Variants in XYLT1 observed in about 807,000 individuals in gnomAD.
The protein encoded by XYLT1 is xylosyltransferase 1, also known as beta-D-xylosyltransferase 1.
XYLT1 carries 36 observed loss-of-function variants against 91.3 expected under a neutral mutation model. The ratio of observed to expected loss-of-function variants is 0.39; its 90% CI spans 0.30 to 0.52. XYLT1 has a LOEUF of 0.52. XYLT1 is among the 20% of genes least tolerant of loss of function. The pLI, the probability that XYLT1 is intolerant of heterozygous loss-of-function variation, is 0.68. For missense variants in XYLT1, 1,242 were observed against 1,284.5 expected (o/e 0.97, Z 0.51); for synonymous variants, 588 against 532.0 (o/e 1.11, Z -1.45).
intron 2 of XYLT1, among the ~76,000 whole-genome samples, chr16:17,339,915 CCATT>C (rs532611653): frequency 1.5e-3 from 224 of 152,088 alleles, no homozygotes; most frequent in South Asian, 2.1e-3. Flanking sequence ...ATCCATCCAT[CCATT>C]CATCCATCCT....
At chr16:17,361,502 A>G (rs1014427502) in intron 1 of XYLT1, among the ~76,000 whole-genome samples, 3 of 152,202 alleles carry the variant, frequency 2.0e-5, no homozygotes, top group Non-Finnish European at 4.4e-5. Context: ...CCTAAATAAT[A>G]CATGCTCTTT....
At chr16:17,425,776 AGTCCT>A (rs1435732146) in intron 1 of XYLT1, among the ~76,000 whole-genome samples, 1 of 152,082 alleles carries the variant, frequency 6.6e-6, no homozygotes, top group Non-Finnish European at 1.5e-5. Flanking sequence ...CTGTTCCCTG[AGTCCT>A]GAATGCCCTT....
intron 2 of XYLT1, among the ~76,000 whole-genome samples, chr16:17,298,325 C>T (rs2034345424): frequency 6.6e-6 from 1 of 152,188 alleles, no homozygotes; most frequent in African/African-American, 2.4e-5. Flanking sequence ...ACGTTCCCTG[C>T]ACAGCCACCC....
rs2032160832 is a variant in XYLT1, at chr16:17,185,338, A to ACAGTC, written c.1289+12869_1289+12873dup. On this transcript the variant is annotated intron_variant, in intron 5 of 11. Transcript: ENST00000261381. The stretch of plus-strand genomic sequence containing the variant: ...TGTTTTTCCAGTCTCCTTGTGAACA[A>ACAGTC]CAGTCCGAGCAGATACACCCTTTCA... 2.0e-5 allele frequency among the ~76,000 whole-genome samples: 3 copies of ACAGTC among 152,366 alleles called. No individual in the cohort carries two copies. In the South Asian group the frequency reaches 6.2e-4, roughly 32 times the overall value.
chr16:17,242,268 A>G (rs1050080839), intron 3 of XYLT1, among the ~76,000 whole-genome samples: 3 of 151,938 alleles, frequency 2.0e-5, no homozygotes, highest in African/African-American at 7.3e-5. Flanking sequence ...ATCAGAGCAC[A>G]GACATGCCTA....
At chr16:17,328,548 C>CAAAAA (rs71373105) in intron 2 of XYLT1, among the ~76,000 whole-genome samples, 2,177 of 50,596 alleles carry the variant, frequency 0.043, 392 homozygotes, top group Non-Finnish European at 0.078. Context: ...GACTCCTTCT[C>CAAAAA]AAAAAAAAAA....
rs1195577105 is a variant in XYLT1, at chr16:17,450,362, C to CA, written c.363+20071dup. 1.7e-3 allele frequency among the ~76,000 whole-genome samples: 249 copies of CA among 145,478 alleles called. 1 individual carries two copies. The highest frequency in any genetic ancestry group is 4.3e-3 in the African/African-American group (175 of 40,708). On this transcript the variant is annotated intron_variant, in intron 1 of 11. Transcript: ENST00000261381. ...CAAAACAAACAAACAAACAAACAAACAAAAAAAAAAAGGTGAGAAGGATTC... is the reference window on the plus strand; with the variant it reads ...CAAAACAAACAAACAAACAAACAAACAAAAAAAAAAAAGGTGAGAAGGATTC...
chr16:17,219,287 AAAAAAAAAAAAAAAG>A (rs1235384744), intron 3 of XYLT1, among the ~76,000 whole-genome samples: 6,549 of 150,088 alleles, frequency 0.044, 510 homozygotes, highest in African/African-American at 0.15. Context: ...TCTCAAAAAA[AAAAAAAAAAAAAAAG>A]AAAAAGAAAA....
intron 3 of XYLT1, among the ~76,000 whole-genome samples, chr16:17,241,035 C>T (rs1050131686): frequency 6.6e-6 from 1 of 152,182 alleles, no homozygotes; most frequent in Non-Finnish European, 1.5e-5. Context: ...AGAACTCCGG[C>T]GTAGACACCC....
At chr16:17,130,878 TCTAGCCCCCTTTTGTTTCCTGCTACC>T (rs774507213) in intron 9 of XYLT1, among the ~76,000 whole-genome samples, 1 of 15,382 alleles carries the variant, frequency 6.5e-5, no homozygotes, top group Non-Finnish European at 1.8e-4. Flanking sequence ...TACCGCTTTC[TCTAGCCCCCTTTTGTTTCCTGCTACC>T]CTAATCCACC....
intron 5 of XYLT1, among the ~76,000 whole-genome samples, chr16:17,191,962 C>T (rs1295359835): frequency 1.3e-5 from 2 of 152,126 alleles, no homozygotes; most frequent in African/African-American, 4.8e-5. Context: ...TGTGTACACA[C>T]CACAGACTGA....
chr16:17,115,065 C>G (rs1453882057), intron 11 of XYLT1, among the ~76,000 whole-genome samples: 1 of 152,008 alleles, frequency 6.6e-6, no homozygotes, highest in Non-Finnish European at 1.5e-5. Flanking sequence ...AGGATGGTCT[C>G]GATCTCCTGA....
intron 10 of XYLT1, among the ~76,000 whole-genome samples, chr16:17,120,185 A>G (rs1326492004): frequency 6.6e-6 from 1 of 152,232 alleles, no homozygotes; most frequent in Non-Finnish European, 1.5e-5. Context: ...AAAGGATACT[A>G]TTTATTGAAG....
intron 2 of XYLT1, among the ~76,000 whole-genome samples, chr16:17,280,394 G>C (rs529578324): frequency 6.6e-6 from 1 of 152,146 alleles, no homozygotes; most frequent in Non-Finnish European, 1.5e-5. Context: ...CTGAAGAATG[G>C]AGGTGGTCAG....
At chr16:17,224,395 T>C (rs897236452) in intron 3 of XYLT1, among the ~76,000 whole-genome samples, 6 of 152,212 alleles carry the variant, frequency 3.9e-5, no homozygotes, top group Admixed American at 2.6e-4. Context: ...TAATCACCCT[T>C]TGGGGGCAAG....
At chr16:17,281,173 C>T (rs1175211253) in intron 2 of XYLT1, among the ~76,000 whole-genome samples, 3 of 152,178 alleles carry the variant, frequency 2.0e-5, no homozygotes, top group African/African-American at 7.2e-5. Context: ...CTGCAGCATC[C>T]AGGGGAGCGG....
rs147278973 is a variant in XYLT1, at chr16:17,294,537, A to G, written c.403-35039T>C. 5.5e-3 allele frequency among the ~76,000 whole-genome samples: 842 copies of G among 152,200 alleles called. 13 individuals carry two copies. The highest frequency in any genetic ancestry group is 0.02 in the African/African-American group (813 of 41,542). On this transcript the variant is annotated intron_variant, in intron 2 of 11. Coordinates refer to ENST00000261381, the MANE Select transcript of XYLT1 (RefSeq NM_022166.4). Reference sequence around the variant, plus strand: ...AGAGCATGGGGTGGCCTGAATACCAATGGGGCCAGTTGAGAGGCTGTGTTG... The same window carrying G: ...AGAGCATGGGGTGGCCTGAATACCAGTGGGGCCAGTTGAGAGGCTGTGTTG...
chr16:17,237,760 AGGGGTTCCTCTC>A (rs1486716163), intron 3 of XYLT1, among the ~76,000 whole-genome samples: 3 of 152,182 alleles, frequency 2.0e-5, no homozygotes, highest in Non-Finnish European at 4.4e-5. Context: ...GGCAAAATGC[AGGGGTTCCTCTC>A]GGGTCACTTG....
intron 3 of XYLT1, among the ~76,000 whole-genome samples, chr16:17,229,569 AG>A (rs1362998658): frequency 2.0e-5 from 3 of 152,216 alleles, no homozygotes; most frequent in African/African-American, 7.2e-5. Context: ...GAAGTAGGCC[AG>A]GTGGGGGCAG....
Sources: gnomAD v4.1 joint callset for allele counts (sites outside exome capture counted in the v4.1 genomes callset) on GRCh38, gnomAD v4.1.1 for gene constraint, MANE v1.5 for transcripts, NCBI Gene and HGNC (gene_info 2026-07-23, HGNC 2026-07-21) for gene names.